The following ANKFY1 variants were observed in gnomAD, a reference collection of about 807,000 sequenced individuals.
ANKFY1 encodes ankyrin repeat and FYVE domain-containing protein 1.
ANKFY1 carries 47 observed loss-of-function variants against 128.3 expected under a neutral mutation model. That is an observed-to-expected ratio of 0.37 (90% CI 0.29 to 0.47). The LOEUF (loss-of-function observed/expected upper bound fraction) is 0.47. Ranked by LOEUF, ANKFY1 falls within the 20% of genes least tolerant of loss-of-function variation. ANKFY1 has a pLI of 1.00. For missense variants in ANKFY1, 1,222 were observed against 1,510.6 expected (o/e 0.81, Z 3.17); for synonymous variants, 553 against 601.6 (o/e 0.92, Z 1.18).
chr17:4,190,693 GTTT>G (rs200131003), intron 10 of ANKFY1, among the ~76,000 whole-genome samples: 1 of 151,518 alleles, frequency 6.6e-6, no homozygotes, highest in East Asian at 1.9e-4. Context: ...AAAAAAATGA[GTTT>G]TTTTTTCTCT....
chr17:4,257,635 C>A (rs1336399311), intron 1 of ANKFY1, among the ~76,000 whole-genome samples: 2 of 152,194 alleles, frequency 1.3e-5, no homozygotes, highest in African/African-American at 4.8e-5. Context: ...CTTAAAAAAT[C>A]TCTCCCTGAG....
chr17:4,189,679 C>CAGTGGGCCTACTGCGCCAGAG (rs1567925678), intron 10 of ANKFY1, among the ~76,000 whole-genome samples, 200 bp from the exon 11 acceptor site: 2 of 142,364 alleles, frequency 1.4e-5, no homozygotes, highest in Non-Finnish European at 3.1e-5. Flanking sequence ...CCACACCAGA[C>CAGTGGGCCTACTGCGCCAGAG]AGTAGGCCCA....
chr17:4,177,316 T>C lies in ANKFY1; in HGVS notation c.2599-14A>G. On this transcript the variant is annotated splice_polypyrimidine_tract_variant and intron_variant, in intron 18 of 24. Transcript: ENST00000341657. ...CTTGTTATCCACCTACAGCAACAAG[T>C]GCAAAGCAAAATATTAGTTCCCTTT... 2.6e-6 allele frequency: 4 copies of C among 1,564,558 alleles called. No individual in the cohort carries two copies. In the South Asian group the frequency reaches 3.6e-5, roughly 14 times the overall value.
At chr17:4,183,342 T>G in intron 14 of ANKFY1, 56 bp downstream of exon 14, 26 of 1,583,906 alleles carry the variant, frequency 1.6e-5, no homozygotes, top group Middle Eastern at 1.7e-4. Flanking sequence ...GCTATGCTTT[T>G]GACATCTCAA....
At chr17:4,172,459 TGAACGCCCTCA>T in intron 22 of ANKFY1, 86 bp downstream of exon 22, 2 of 1,503,062 alleles carry the variant, frequency 1.3e-6, no homozygotes, top group Non-Finnish European at 1.8e-6. Flanking sequence ...TTCTGCGAGC[TGAACGCCCTCA>T]GATAACGACG....
rs2059239573 is a variant in ANKFY1 at position 4,167,920 on chromosome 17, G to A, written c.3378-9C>T. 1 of 1,611,686 alleles carries A rather than the reference G, an allele frequency of 6.2e-7. No homozygotes were observed. Reference sequence around the variant, plus strand: ...GACGTCCGCAGTGACGACTGTGGAAGCAAAGAAAGGAAGTATGAGAGGAGC... The same window carrying A: ...GACGTCCGCAGTGACGACTGTGGAAACAAAGAAAGGAAGTATGAGAGGAGC... On this transcript the variant is annotated splice_polypyrimidine_tract_variant and intron_variant, in intron 24 of 24. Coordinates refer to ENST00000341657, the MANE Select transcript of ANKFY1 (RefSeq NM_001330063.2). This position sits in a 1 kb window ranked among gnomAD's most constrained non-coding sequence, Gnocchi z 4.1.
At chr17:4,223,498 C>G in intron 3 of ANKFY1, 1 of 1,179,900 alleles carries the variant, frequency 8.5e-7, no homozygotes. Flanking sequence ...CTATCACTGT[C>G]TGGGGGACAA....
In ANKFY1 at chr17:4,177,287, G is replaced by A. The variant is rs372638146; in HGVS notation, c.2614C>T (p.Arg872Trp). The A allele has an allele frequency of 3.1e-6, 5 of 1,592,358 alleles. No homozygotes were observed. The highest frequency in any genetic ancestry group is 4.3e-6 in the Non-Finnish European group (5 of 1,169,106). The change falls in exon 19 of 25, where the codon CGG becomes TGG. Residue 872 changes from arginine (R) to tryptophan (W), a missense_variant. Physicochemically the swap from Arg to Trp is moderately radical, Grantham distance 101. Coordinates refer to ENST00000341657, the MANE Select transcript of ANKFY1 (RefSeq NM_001330063.2). ...GAAEQVDNKG[R>W]NFLHVAVQNS... ...TGAACTGCCACATGAAGGAAATTCC[G>A]GCCCTTGTTATCCACCTACAGCAAC... is the stretch of plus-strand genomic sequence containing the variant.
Position 4,184,935 on chromosome 17 carries a change from G to A in ANKFY1, c.1582C>T (p.Pro528Ser), listed in dbSNP as rs375161306. 1.2e-6 allele frequency: 2 copies of A among 1,613,922 alleles called. No homozygotes were observed. Among genetic ancestry groups the A allele is most frequent in the Non-Finnish European group, 1.7e-6 (2 of 1,180,056 alleles). Residue 528 changes from proline (P) to serine (S), a missense_variant, in exon 12 of 25, where the codon CCA becomes TCA. By Grantham distance (74) the Pro-to-Ser change is moderately conservative (BLOSUM62 -1). Coordinates refer to ENST00000341657, the MANE Select transcript of ANKFY1 (RefSeq NM_001330063.2). The stretch of plus-strand genomic sequence containing the variant: ...CTGGTCAGGGATGCGGCCTCCTTTG[G>A]CAGAGGCAGAGCTTCCTCCGTCTGC... ...NLQTEEALPL[P>S]KEAASLTSLA...
intron 23 of ANKFY1, among the ~76,000 whole-genome samples, chr17:4,170,369 T>G (rs965222403): frequency 6.6e-6 from 1 of 152,154 alleles, no homozygotes; most frequent in Non-Finnish European, 1.5e-5. Flanking sequence ...CAGGCCATTT[T>G]GAAGGTTCTG....
chr17:4,191,930 C>T (rs1313193055), intron 10 of ANKFY1, among the ~76,000 whole-genome samples: 2 of 52,374 alleles, frequency 3.8e-5, no homozygotes, highest in African/African-American at 9.5e-5. Context: ...TTACTCTAAT[C>T]TGGAGACTCT....
chr17:4,245,859 T>C (rs1008418639), intron 1 of ANKFY1, among the ~76,000 whole-genome samples: 1 of 150,938 alleles, frequency 6.6e-6, no homozygotes, highest in Non-Finnish European at 1.5e-5. Context: ...GTCTGGCCAA[T>C]ATGGTGAAAC....
intron 4 of ANKFY1, among the ~76,000 whole-genome samples, chr17:4,215,287 T>A (rs868470876): frequency 1.2e-4 from 16 of 128,998 alleles, no homozygotes; most frequent in African/African-American, 1.8e-4. Flanking sequence ...GGCTGTCTTC[T>A]AAAAAAAAAA....
At chr17:4,172,360 C>T (rs1291690598) in intron 22 of ANKFY1, among the ~76,000 whole-genome samples, 196 bp downstream of exon 22, 3 of 152,144 alleles carry the variant, frequency 2.0e-5, no homozygotes, top group African/African-American at 7.2e-5. Context: ...GCGCTACATG[C>T]ACTTGAGATG....
chr17:4,245,440 A>G (rs1419051085), intron 1 of ANKFY1, among the ~76,000 whole-genome samples: 2 of 152,094 alleles, frequency 1.3e-5, no homozygotes, highest in Non-Finnish European at 2.9e-5. Context: ...TCCTGGGCTC[A>G]AGTGATCCTC....
At chr17:4,211,395 CAAA>C (rs71383533) in intron 4 of ANKFY1, among the ~76,000 whole-genome samples, 1 of 126,892 alleles carries the variant, frequency 7.9e-6, no homozygotes, top group Non-Finnish European at 1.6e-5. Flanking sequence ...AGACTCGTCT[CAAA>C]AAAAAAAAAA....
At chr17:4,177,917 C>T (rs1413556646) in intron 18 of ANKFY1, 1 of 152,418 alleles carries the variant, frequency 6.6e-6, no homozygotes, top group African/African-American at 2.4e-5. Context: ...TTCCCAGAGC[C>T]GTCTTAGCAT....
At chr17:4,182,438 T>G (rs1326591744) in intron 14 of ANKFY1, 89 bp from the exon 15 acceptor site, 1 of 1,034,024 alleles carries the variant, frequency 9.7e-7, no homozygotes, top group East Asian at 2.8e-5. Flanking sequence ...GTCCAGAATC[T>G]TCTGTCTCTA....
At chr17:4,185,973 C>T (rs1955205723) in intron 11 of ANKFY1, among the ~76,000 whole-genome samples, 1 of 152,152 alleles carries the variant, frequency 6.6e-6, no homozygotes, top group Non-Finnish European at 1.5e-5. Flanking sequence ...ACCTCCTTCT[C>T]CTACTTTTAA....
Sources: gnomAD v4.1 joint callset for allele counts (sites outside exome capture counted in the v4.1 genomes callset) on GRCh38, gnomAD v4.1.1 for gene constraint, Gnocchi (gnomAD v3.1) non-coding constraint, MANE v1.5 for transcripts, NCBI Gene and HGNC (gene_info 2026-07-23, HGNC 2026-07-21) for gene names.